NFATC3: variants seen among roughly 807,000 people sequenced by gnomAD.
The protein encoded by NFATC3 is nuclear factor of activated T-cells, cytoplasmic 3.
A neutral mutation model predicts 98.6 loss-of-function variants in NFATC3; 46 were observed. That is an observed-to-expected ratio of 0.47 (90% CI 0.37 to 0.60). The LOEUF (loss-of-function observed/expected upper bound fraction) is 0.60, where lower values mean the gene tolerates loss of function less well. NFATC3 is among the 20% of genes least tolerant of loss of function. The probability of loss-of-function intolerance (pLI) is 0.00; values close to 1 mark genes in which losing one functional copy is unlikely to be tolerated. For missense variants in NFATC3, 1,256 were observed against 1,295.5 expected (o/e 0.97, Z 0.47); for synonymous variants, 512 against 472.2 (o/e 1.08, Z -1.09).
At chr16:68,099,307 C>T (rs1255535427) in intron 1 of NFATC3, among the ~76,000 whole-genome samples, 9 of 151,976 alleles carry the variant, frequency 5.9e-5, no homozygotes, top group African/African-American at 9.7e-5. Context: ...TGGTGATGGG[C>T]GCCTGTAGTC....
chr16:68,085,592 G>T lies in NFATC3; in HGVS notation c.-90G>T, dbSNP rs912616634. 5.1e-6 allele frequency: 6 copies of T among 1,175,856 alleles called. No homozygotes were observed. Among genetic ancestry groups the T allele is most frequent in the Non-Finnish European group, 6.9e-6 (6 of 872,176 alleles). The allele number at this position is 1,175,856 out of a possible 1,614,324, so 72.8% of individuals were successfully genotyped here. A position where few individuals can be genotyped will look rare whatever the true frequency, so the allele number is the denominator to read the frequency against. On this transcript the variant is annotated 5_prime_UTR_variant, in exon 1 of 10. Coordinates refer to ENST00000346183, the MANE Select transcript of NFATC3 (RefSeq NM_173165.3). ...GCGACCTCTTGGCCCGCGCGGCCCG[G>T]CATGAAGCGGCGTTGAGGAGCTGCT...
At chr16:68,090,299 C>T (rs888471420) in intron 1 of NFATC3, among the ~76,000 whole-genome samples, 1 of 137,446 alleles carries the variant, frequency 7.3e-6, no homozygotes, top group African/African-American at 2.7e-5. Context: ...CACGCAACCC[C>T]CCCCCCCCAA....
At chr16:68,145,227 T>C (rs745994662) in intron 3 of NFATC3, among the ~76,000 whole-genome samples, 5 of 149,584 alleles carry the variant, frequency 3.3e-5, no homozygotes, top group Non-Finnish European at 5.9e-5. Flanking sequence ...CACTGCAACC[T>C]CAGACTCACA....
intron 3 of NFATC3, among the ~76,000 whole-genome samples, chr16:68,157,190 T>C (rs866321949): frequency 5.3e-5 from 8 of 151,702 alleles, no homozygotes; most frequent in South Asian, 2.1e-4. Context: ...CACAAACACA[T>C]TCTCTCTCTC....
rs773757386 is a variant in NFATC3 at position 68,166,926 on chromosome 16, C to T, written c.1685C>T (p.Thr562Ile). Residue 562 changes from threonine (T) to isoleucine (I), a missense_variant, in exon 5 of 10, where the codon ACT becomes ATT. Physicochemically the swap from Thr to Ile is moderately conservative, Grantham distance 89. Coordinates refer to ENST00000346183, the MANE Select transcript of NFATC3 (RefSeq NM_173165.3). ...KGETDIGRKNTRVRLVFRVHI... is the reference protein window; with the variant it reads ...KGETDIGRKNIRVRLVFRVHI... ...GAAACTGATATTGGCAGAAAGAATA[C>T]TAGAGTACGACTTGTGTTTCGTGTA... is the stretch of plus-strand genomic sequence containing the variant. The T allele has an allele frequency of 1.2e-6, 2 of 1,614,100 alleles. No homozygotes were observed.
intron 4 of NFATC3, among the ~76,000 whole-genome samples, chr16:68,164,174 C>T (rs1033239991): frequency 3.2e-4 from 49 of 152,310 alleles, no homozygotes; most frequent in Non-Finnish European, 6.3e-4. Flanking sequence ...CCGAGGCTGG[C>T]GGATCACTCG....
chr16:68,170,289 G>A (rs564791104), intron 5 of NFATC3, among the ~76,000 whole-genome samples: 143 of 149,360 alleles, frequency 9.6e-4, no homozygotes, highest in Non-Finnish European at 1.5e-3. Context: ...TACTTGGGAG[G>A]TTGAGGCAAA....
intron 9 of NFATC3, among the ~76,000 whole-genome samples, chr16:68,207,180 G>C (rs757520869): frequency 2.0e-5 from 3 of 151,208 alleles, no homozygotes; most frequent in Non-Finnish European, 4.4e-5. Context: ...CATGGTGGTG[G>C]GCGCCTGTAA....
intron 9 of NFATC3, among the ~76,000 whole-genome samples, chr16:68,215,274 C>T (rs2041588516): frequency 6.6e-6 from 1 of 152,204 alleles, no homozygotes; most frequent in Non-Finnish European, 1.5e-5. Flanking sequence ...TCACATCATT[C>T]TTGTCCAACC....
intron 3 of NFATC3, among the ~76,000 whole-genome samples, chr16:68,131,271 C>G (rs895891211): frequency 6.6e-5 from 10 of 151,984 alleles, no homozygotes; most frequent in Non-Finnish European, 1.5e-4. Flanking sequence ...ACAACAACAA[C>G]TTTTTTTGTT....
intron 9 of NFATC3, among the ~76,000 whole-genome samples, chr16:68,212,148 C>T (rs2041433793): frequency 6.6e-6 from 1 of 152,192 alleles, no homozygotes; most frequent in Non-Finnish European, 1.5e-5. Context: ...TTGATATTTT[C>T]AGTATTTAAA....
intron 1 of NFATC3, among the ~76,000 whole-genome samples, chr16:68,088,337 T>C (rs1411511807): frequency 1.4e-5 from 2 of 147,326 alleles, no homozygotes; most frequent in Non-Finnish European, 3.0e-5. Flanking sequence ...ATATATAATA[T>C]ATAACATATA....
chr16:68,135,075 C>T (rs987638968), intron 3 of NFATC3, among the ~76,000 whole-genome samples: 1 of 151,888 alleles, frequency 6.6e-6, no homozygotes, highest in Non-Finnish European at 1.5e-5. Flanking sequence ...GGGTTTTACA[C>T]ATCCACGATA....
intron 3 of NFATC3, among the ~76,000 whole-genome samples, chr16:68,155,282 C>T (rs145359967): frequency 1.3e-5 from 2 of 152,210 alleles, no homozygotes; most frequent in African/African-American, 4.8e-5. Flanking sequence ...AGAACTGAGA[C>T]CCCCCTCACT....
intron 4 of NFATC3, among the ~76,000 whole-genome samples, chr16:68,159,580 G>A (rs1353487039): frequency 6.6e-6 from 1 of 151,272 alleles, no homozygotes; most frequent in Non-Finnish European, 1.5e-5. Flanking sequence ...CTGCCACCAC[G>A]CCCGGCTAAT....
At chr16:68,118,663 C>T (rs950841262) in intron 1 of NFATC3, among the ~76,000 whole-genome samples, 6 of 152,118 alleles carry the variant, frequency 3.9e-5, no homozygotes, top group East Asian at 3.8e-4. Flanking sequence ...TTCATATATA[C>T]GTTAATGATT....
intron 3 of NFATC3, among the ~76,000 whole-genome samples, chr16:68,133,900 G>C (rs1188788599): frequency 6.7e-6 from 1 of 150,066 alleles, no homozygotes; most frequent in Non-Finnish European, 1.5e-5. Flanking sequence ...AAAAAAAAAT[G>C]ACTTTCGATG....
At chr16:68,210,357 A>G (rs2151156569) in intron 9 of NFATC3, among the ~76,000 whole-genome samples, 1 of 152,094 alleles carries the variant, frequency 6.6e-6, no homozygotes, top group Non-Finnish European at 1.5e-5. Context: ...TGTGGTCCCA[A>G]ATACTTGGGA....
At chr16:68,103,719 T>C (rs111722932) in intron 1 of NFATC3, among the ~76,000 whole-genome samples, 232 of 152,356 alleles carry the variant, frequency 1.5e-3, no homozygotes, top group Non-Finnish European at 3.0e-3. Context: ...TTAATTTTTG[T>C]ATATGGTATG....
Sources: allele counts gnomAD v4.1 joint callset (sites outside exome capture counted in the v4.1 genomes callset), GRCh38; gene constraint gnomAD v4.1.1; transcripts MANE v1.5; gene names NCBI Gene and HGNC (gene_info 2026-07-23, HGNC 2026-07-21).